Variants in RABGAP1 observed in about 807,000 individuals in gnomAD.
The protein encoded by RABGAP1 is rab GTPase-activating protein 1.
In RABGAP1, 23 loss-of-function variants were observed where a neutral mutation model predicts 137.6. That is an observed-to-expected ratio of 0.17 (90% CI 0.12 to 0.24). RABGAP1 has a LOEUF of 0.24. Among genes scored for constraint, RABGAP1 ranks in the 10% least tolerant of loss-of-function variants. The probability of loss-of-function intolerance (pLI) is 1.00; values close to 1 mark genes in which losing one functional copy is unlikely to be tolerated. For missense variants in RABGAP1, 906 were observed against 1,275.8 expected, an observed-to-expected ratio of 0.71 and a Z score of 4.42; for synonymous variants, 451 against 450.7, an observed-to-expected ratio of 1.00 and a Z score of -0.01.
intron 2 of RABGAP1, among the ~76,000 whole-genome samples, chr9:122,983,486 A>G (rs1297181424): frequency 6.6e-6 from 1 of 152,234 alleles, no homozygotes; most frequent in Non-Finnish European, 1.5e-5. Flanking sequence ...ATAGAATTAT[A>G]AAAGCCTGAA....
intron 10 of RABGAP1, among the ~76,000 whole-genome samples, chr9:123,007,673 C>T (rs1435365297): frequency 6.7e-6 from 1 of 150,094 alleles, no homozygotes; most frequent in African/African-American, 2.4e-5. Context: ...TGCGCAACCT[C>T]CCAAAGTATT....
chr9:123,082,534 A>G (rs2034741936), intron 19 of RABGAP1, among the ~76,000 whole-genome samples: 3 of 152,244 alleles, frequency 2.0e-5, no homozygotes, highest in African/African-American at 7.2e-5. Context: ...ATGTCTGTAT[A>G]GGCATTTTTG....
chr9:122,969,299 A>C (rs536240994), intron 2 of RABGAP1, among the ~76,000 whole-genome samples: 1 of 152,250 alleles, frequency 6.6e-6, no homozygotes, highest in Admixed American at 6.5e-5. Context: ...ATGTAAGTAC[A>C]CTCTATGATG....
At chr9:122,964,896 T>C (rs1835057279) in intron 2 of RABGAP1, among the ~76,000 whole-genome samples, 3 of 152,124 alleles carry the variant, frequency 2.0e-5, no homozygotes, top group African/African-American at 7.2e-5. Context: ...ATTTGGGGGC[T>C]GAGGTGGGAG....
At chr9:122,977,473 C>T (rs1020417603) in intron 2 of RABGAP1, among the ~76,000 whole-genome samples, 3 of 152,240 alleles carry the variant, frequency 2.0e-5, no homozygotes, top group African/African-American at 2.4e-5. Flanking sequence ...GAGGCCAAGG[C>T]GGGCAGATAC....
chr9:123,091,548 C>T (rs2035032877), intron 21 of RABGAP1, among the ~76,000 whole-genome samples: 2 of 152,020 alleles, frequency 1.3e-5, no homozygotes, highest in Non-Finnish European at 2.9e-5. Context: ...CCTTGGACAC[C>T]TTGTAAAATG....
At chr9:123,069,182 G>GA (rs1409039626) in intron 14 of RABGAP1, among the ~76,000 whole-genome samples, 9 of 152,076 alleles carry the variant, frequency 5.9e-5, no homozygotes, top group Non-Finnish European at 1.0e-4. Context: ...TTGCTGCCAA[G>GA]AAAAATAAAA....
At position 123,035,214 on chromosome 9, in the gene RABGAP1, C is replaced by T. The variant is rs72753270; in HGVS notation, c.1794+14755C>T. On this transcript the variant is annotated intron_variant, in intron 13 of 25. Coordinates refer to ENST00000373647, the MANE Select transcript of RABGAP1 (RefSeq NM_012197.4). ...GCTTCACCTATTTCAACATCTTCCG[C>T]ATCTGCCAACAGCACACAAAGGATA... 14,250 of 1,614,156 alleles carry T rather than the reference C, an allele frequency of 8.8e-3. 90 individuals carry two copies. Among genetic ancestry groups the T allele is most frequent in the Admixed American group, 0.01 (610 of 60,010 alleles).
At chr9:123,015,494 C>G in intron 11 of RABGAP1, 49 bp from the exon 12 acceptor site, 1 of 1,209,856 alleles carries the variant, frequency 8.3e-7, no homozygotes, top group Non-Finnish European at 1.2e-6. Context: ...GTTCTTCTGG[C>G]TAGCATAGCC....
intron 12 of RABGAP1, among the ~76,000 whole-genome samples, chr9:123,019,477 G>A (rs1012943826): frequency 6.6e-6 from 1 of 151,760 alleles, no homozygotes; most frequent in African/African-American, 2.4e-5. Context: ...CATCATGCCA[G>A]CTTATTTTTA....
chr9:123,035,651 TG>T, intron 13 of RABGAP1: 1 of 76,892 alleles, frequency 1.3e-5, no homozygotes, highest in Non-Finnish European at 2.6e-5. Flanking sequence ...TGTGTGTGTG[TG>T]TGTGTGTGTG....
intron 14 of RABGAP1, among the ~76,000 whole-genome samples, chr9:123,069,648 A>G (rs952856760): frequency 6.6e-6 from 1 of 151,458 alleles, no homozygotes. Flanking sequence ...TGGGAGTCCA[A>G]GGTAGGAGGA....
intron 13 of RABGAP1, among the ~76,000 whole-genome samples, chr9:123,060,490 A>G (rs1356789828): frequency 6.6e-6 from 1 of 152,208 alleles, no homozygotes; most frequent in Admixed American, 6.5e-5. Context: ...TAGTTGGGCT[A>G]TTACACATGA....
chr9:123,077,447 T>G (rs2132163376), intron 19 of RABGAP1, among the ~76,000 whole-genome samples: 1 of 152,282 alleles, frequency 6.6e-6, no homozygotes, highest in East Asian at 1.9e-4. Flanking sequence ...CCACCACGCC[T>G]GGCCTTAACT....
At chr9:122,982,696 T>C (rs1836138168) in intron 2 of RABGAP1, among the ~76,000 whole-genome samples, 1 of 152,178 alleles carries the variant, frequency 6.6e-6, no homozygotes, top group Non-Finnish European at 1.5e-5. Flanking sequence ...TTTGAAAAGA[T>C]AAGAGGCTAA....
At chr9:122,981,024 T>TTTGTTGTTG (rs145998509) in intron 2 of RABGAP1, among the ~76,000 whole-genome samples, 3 of 151,788 alleles carry the variant, frequency 2.0e-5, no homozygotes, top group Admixed American at 1.3e-4. Context: ...GTGGAGGTTT[T>TTTGTTGTTG]TTGTTGTTGT....
chr9:123,008,098 C>A (rs1426334019), intron 10 of RABGAP1, among the ~76,000 whole-genome samples: 2 of 151,670 alleles, frequency 1.3e-5, no homozygotes, highest in Non-Finnish European at 2.9e-5. Flanking sequence ...GTACTATTAC[C>A]CAGCTTCAAC....
In RABGAP1 at chr9:123,098,703, TTA is replaced by T; in HGVS notation, c.2734-10_2734-9del. The T allele has an allele frequency of 2.5e-6, 4 of 1,607,746 alleles. No homozygotes were observed. The highest frequency in any genetic ancestry group is 3.4e-6 in the Non-Finnish European group (4 of 1,177,522). On this transcript the variant is annotated splice_polypyrimidine_tract_variant and intron_variant, in intron 22 of 25. Coordinates refer to ENST00000373647, the MANE Select transcript of RABGAP1 (RefSeq NM_012197.4). ...TGTTAACATAGTCCCTTTTGTTTTT[TTA>T]TGTGTGCAGTTAAAAGAAATGTGCC...
chr9:123,098,864 ACCCGCCC>A, intron 23 of RABGAP1, 66 bp downstream of exon 23: 3 of 791,132 alleles, frequency 3.8e-6, no homozygotes, highest in Non-Finnish European at 3.6e-6. Context: ...TAAAATGTAT[ACCCGCCC>A]CCCACCCCCA....
Sources: allele counts gnomAD v4.1 joint callset (sites outside exome capture counted in the v4.1 genomes callset), GRCh38; gene constraint gnomAD v4.1.1; transcripts MANE v1.5; gene names NCBI Gene and HGNC (gene_info 2026-07-23, HGNC 2026-07-21).